Variants in FREM1 observed in about 807,000 individuals in gnomAD.
The protein encoded by FREM1 is FRAS1-related extracellular matrix protein 1.
In FREM1, 220 loss-of-function variants were observed where a neutral mutation model predicts 210.1. The observed-to-expected ratio is 1.05, with a 90% CI of 0.94 to 1.17. FREM1 has a LOEUF of 1.17. FREM1 is among the 50% of genes most tolerant of loss of function. The pLI, the probability that FREM1 is intolerant of heterozygous loss-of-function variation, is 0.00. For synonymous variants in FREM1, 1,189 were observed against 980.2 expected (o/e 1.21, Z -3.98); for missense variants, 3,454 against 2,675.5 (o/e 1.29, Z -6.42).
chr9:14,770,528 T>C, intron 26 of FREM1, 77 bp downstream of exon 26: 3 of 1,101,208 alleles, frequency 2.7e-6, no homozygotes, highest in Non-Finnish European at 4.1e-6. Flanking sequence ...GGCCTGCACT[T>C]AATTAAATTA....
At chr9:14,854,988 T>A (rs1418087596) in intron 5 of FREM1, among the ~76,000 whole-genome samples, 1 of 152,046 alleles carries the variant, frequency 6.6e-6, no homozygotes, top group African/African-American at 2.4e-5. Context: ...ATTCTAATTT[T>A]CCCCAAATAA....
At chr9:14,892,170 G>A (rs940800570) in intron 1 of FREM1, among the ~76,000 whole-genome samples, 2 of 152,068 alleles carry the variant, frequency 1.3e-5, no homozygotes, top group Admixed American at 6.6e-5. Context: ...CACTACAGAA[G>A]GGACAATACT....
chr9:14,858,710 C>T (rs954308470), intron 4 of FREM1, among the ~76,000 whole-genome samples: 5 of 152,160 alleles, frequency 3.3e-5, no homozygotes, highest in African/African-American at 1.2e-4. Context: ...GAATGTTACC[C>T]ATAAACTCTT....
intron 28 of FREM1, among the ~76,000 whole-genome samples, chr9:14,757,897 C>A (rs2132216656): frequency 6.6e-6 from 1 of 152,312 alleles, no homozygotes; most frequent in East Asian, 1.9e-4. Flanking sequence ...CTGGAACCAC[C>A]TTTCATTGTG....
intron 24 of FREM1, among the ~76,000 whole-genome samples, chr9:14,778,080 C>T (rs1045722075): frequency 1.3e-5 from 2 of 152,080 alleles, no homozygotes; most frequent in Non-Finnish European, 2.9e-5. Context: ...TCACACACCT[C>T]GACTTGTAAA....
chr9:14,747,544 T>C (rs1842690971), intron 32 of FREM1, 116 bp from the exon 33 acceptor site: 1 of 1,142,548 alleles, frequency 8.8e-7, no homozygotes, highest in Non-Finnish European at 1.2e-6. Context: ...GATTTGTTTC[T>C]CTGAACACCC....
chr9:14,800,425 G>A (rs892063615), intron 20 of FREM1, among the ~76,000 whole-genome samples: 1 of 152,142 alleles, frequency 6.6e-6, no homozygotes, highest in African/African-American at 2.4e-5. Flanking sequence ...TGTGAAAAGT[G>A]GGATAAGATT....
rs1820100140 is a variant in FREM1, at chr9:14,815,273, A to G, written c.2640+1505T>C. Among the ~76,000 whole-genome samples the G allele has an allele frequency of 3.3e-5, 5 of 152,228 alleles. No individual in the cohort carries two copies. In the South Asian group the frequency reaches 1.0e-3, roughly 32 times the overall value. ...AGCCCAAGACTACACTGTCTAGTCA[A>G]TGATTTTGGGCAAGTCATTGAACCT... On this transcript the variant is annotated intron_variant, in intron 15 of 36. Transcript: ENST00000380880.
chr9:14,786,294 T>C (rs1044119091), intron 23 of FREM1, among the ~76,000 whole-genome samples: 4 of 152,212 alleles, frequency 2.6e-5, no homozygotes, highest in African/African-American at 7.2e-5. Context: ...CATTATTTTG[T>C]TCCCTGTCTT....
intron 27 of FREM1, among the ~76,000 whole-genome samples, chr9:14,763,487 T>C (rs1387914730): frequency 3.3e-5 from 5 of 152,034 alleles, no homozygotes; most frequent in African/African-American, 1.2e-4. Context: ...AGAGCAAGAC[T>C]CCATCTCAAA....
In FREM1 at chr9:14,784,489, C is replaced by A. The variant is rs1409584592; in HGVS notation, c.4323G>T (p.Gln1441His). 3.1e-6 allele frequency: 5 copies of A among 1,613,760 alleles called. No homozygotes were observed. Among genetic ancestry groups the A allele is most frequent in the African/African-American group, 1.3e-5 (1 of 74,904 alleles). The change falls in exon 24 of 37, where the codon CAG becomes CAT. Residue 1441 changes from glutamine (Q) to histidine (H), a missense_variant. Physicochemically the swap from Gln to His is conservative, Grantham distance 24 (BLOSUM62 0). Coordinates refer to ENST00000380880, the MANE Select transcript of FREM1 (RefSeq NM_001379081.2). ...CTCCAGGATAGTGAACATATTCGAT[C>A]TGGCCATATCGCGGAGGGGAGGTGA... is the stretch of plus-strand genomic sequence containing the variant. ...YVITSPPRYGQIEYVHYPGVP... is the reference protein window; with the variant it reads ...YVITSPPRYGHIEYVHYPGVP...
intron 25 of FREM1, among the ~76,000 whole-genome samples, chr9:14,772,410 G>C (rs1468435862): frequency 6.6e-6 from 1 of 152,038 alleles, no homozygotes; most frequent in African/African-American, 2.4e-5. Context: ...ATCAGGAATA[G>C]TTAATGACAT....
Position 14,747,292 on chromosome 9 carries a change from G to A in FREM1, c.5981C>T (p.Ser1994Phe), listed in dbSNP as rs1563820975. The part of the protein sequence containing the change: ...AELPQADKVE[S>F]TTDSHFPRQD... ...TCTGGGGAAGTGTGAGTCAGTTGTG[G>A]ATTCCACCTTATCTGCTTGAGGCAG... is the stretch of plus-strand genomic sequence containing the variant. The change falls in exon 33 of 37, where the codon TCC becomes TTC. Residue 1994 changes from serine (S) to phenylalanine (F), a missense_variant. Coordinates refer to ENST00000380880, the MANE Select transcript of FREM1 (RefSeq NM_001379081.2). 6.2e-7 allele frequency: 1 copy of A among 1,613,252 alleles called. No individual in the cohort carries two copies. Among genetic ancestry groups the A allele is most frequent in the Admixed American group, 1.7e-5 (1 of 59,902 alleles).
intron 1 of FREM1, among the ~76,000 whole-genome samples, chr9:14,885,781 C>CAAT (rs1835703311): frequency 1.3e-5 from 2 of 152,182 alleles, no homozygotes; most frequent in East Asian, 3.8e-4. Flanking sequence ...TTTTGATATA[C>CAAT]ATATACAATG....
chr9:14,897,491 G>C (rs1314607400), intron 1 of FREM1, among the ~76,000 whole-genome samples: 1 of 152,020 alleles, frequency 6.6e-6, no homozygotes, highest in South Asian at 2.1e-4. Flanking sequence ...AAGCAAAGTG[G>C]GGAATGTAAA....
At chr9:14,747,174 C>T (rs889711285) in intron 33 of FREM1, 90 bp downstream of exon 33, 3 of 1,574,384 alleles carry the variant, frequency 1.9e-6, no homozygotes, top group Admixed American at 1.7e-5. Context: ...ATCCCCCCAA[C>T]CTTGGAGGCT....
chr9:14,895,407 C>G (rs888761965), intron 1 of FREM1, among the ~76,000 whole-genome samples: 1 of 152,130 alleles, frequency 6.6e-6, no homozygotes, highest in African/African-American at 2.4e-5. Flanking sequence ...GCAATTTAGA[C>G]TGACTGCTTA....
intron 1 of FREM1, among the ~76,000 whole-genome samples, chr9:14,896,272 C>T (rs1031848426): frequency 3.3e-5 from 5 of 152,050 alleles, no homozygotes; most frequent in Non-Finnish European, 7.4e-5. Context: ...TGGGCTGGGC[C>T]CCGTGGCTCA....
intron 29 of FREM1, among the ~76,000 whole-genome samples, chr9:14,754,204 T>C (rs918000841): frequency 2.0e-5 from 3 of 152,238 alleles, no homozygotes; most frequent in Middle Eastern, 3.4e-3. Flanking sequence ...AATGGAAAAG[T>C]TGGAAGTGCC....
Sources: allele counts gnomAD v4.1 joint callset (sites outside exome capture counted in the v4.1 genomes callset), GRCh38; gene constraint gnomAD v4.1.1; transcripts MANE v1.5; gene names NCBI Gene and HGNC (gene_info 2026-07-23, HGNC 2026-07-21).